The following MAP2K2 variants were observed in gnomAD, a reference collection of about 807,000 sequenced individuals.
MAP2K2 encodes mitogen-activated protein kinase kinase 2.
In MAP2K2, 24 loss-of-function variants were observed where a neutral mutation model predicts 43.7. The observed-to-expected ratio is 0.55, with a 90% CI of 0.40 to 0.77. The LOEUF (loss-of-function observed/expected upper bound fraction) is 0.77. Ranked by LOEUF, MAP2K2 falls within the 30% of genes least tolerant of loss-of-function variation. The pLI is 0.00. For synonymous variants in MAP2K2, 244 were observed against 239.7 expected (o/e 1.02, Z -0.17); for missense variants, 470 against 566.8 (o/e 0.83, Z 1.73).
rs974736470 is a variant in MAP2K2 at position 4,112,162 on chromosome 19, T to TCC, written c.304-1509_304-1508dup. Among the ~76,000 whole-genome samples, 4 of 152,136 alleles carry TCC rather than the reference T, an allele frequency of 2.6e-5. No homozygotes were observed. The East Asian group carries it at 7.7e-4, about 29-fold the overall frequency. ...AAGAAAAAGACATGGTTTCCACTCA[T>TCC]CCGCCACAGAGGCAAAGCCAGGCCC... On this transcript the variant is annotated intron_variant, in intron 2 of 10. Transcript: ENST00000262948.
In MAP2K2 at chr19:4,112,946, G is replaced by A. The variant is rs543205145; in HGVS notation, c.304-2291C>T. ...AAAAGGCCACATTTGTTTTCACACC[G>A]AGCCCTTGAAGCTTGGTGCGTGTTT... On this transcript the variant is annotated intron_variant, in intron 2 of 10. Transcript: ENST00000262948. Among the ~76,000 whole-genome samples, 15 of 152,296 alleles carry A rather than the reference G, an allele frequency of 9.8e-5. No homozygotes were observed. The East Asian group carries it at 1.4e-3, about 14-fold the overall frequency.
intron 3 of MAP2K2, among the ~76,000 whole-genome samples, chr19:4,106,558 G>A (rs929958769): frequency 2.0e-5 from 3 of 152,056 alleles, no homozygotes; most frequent in African/African-American, 2.4e-5. Context: ...ACAGGCGTGC[G>A]CCACCATGCC....
intron 3 of MAP2K2, among the ~76,000 whole-genome samples, chr19:4,106,178 G>A (rs1393625687): frequency 1.3e-5 from 2 of 152,198 alleles, no homozygotes; most frequent in Non-Finnish European, 2.9e-5. Context: ...GGCCGAGGCA[G>A]GAGGGTCACT....
At chr19:4,117,792 T>C (rs999559956) in intron 1 of MAP2K2, among the ~76,000 whole-genome samples, 163 bp from the exon 2 acceptor site, 1 of 152,230 alleles carries the variant, frequency 6.6e-6, no homozygotes, top group South Asian at 2.1e-4. Flanking sequence ...TGTACCCCCA[T>C]AGACACACCA....
intron 9 of MAP2K2, chr19:4,095,185 C>G: frequency 1.7e-6 from 1 of 573,562 alleles, no homozygotes; most frequent in Middle Eastern, 3.8e-4. Context: ...CCCCTGGGCT[C>G]ACGGACAGGA....
chr19:4,105,308 G>A (rs2041072395), intron 3 of MAP2K2, among the ~76,000 whole-genome samples: 1 of 149,432 alleles, frequency 6.7e-6, no homozygotes, highest in Admixed American at 6.7e-5. Flanking sequence ...TCGCTCTGTT[G>A]CCCAGGCGGG....
intron 10 of MAP2K2, among the ~76,000 whole-genome samples, chr19:4,094,066 G>A (rs1443280681): frequency 6.6e-6 from 1 of 152,184 alleles, no homozygotes; most frequent in East Asian, 1.9e-4. Flanking sequence ...TTGCCAGTGT[G>A]CAGAACAGGG....
chr19:4,105,347 C>A (rs1470020930), intron 3 of MAP2K2, among the ~76,000 whole-genome samples: 5 of 151,926 alleles, frequency 3.3e-5, no homozygotes, highest in South Asian at 4.1e-4. Flanking sequence ...CGGCTCACTG[C>A]AAGCTCCGCC....
intron 1 of MAP2K2, among the ~76,000 whole-genome samples, chr19:4,122,490 C>T (rs576486968): frequency 3.7e-5 from 4 of 108,572 alleles, no homozygotes; most frequent in East Asian, 2.6e-4. Flanking sequence ...CCAAGGGACT[C>T]GCTTCACTAT....
In MAP2K2 at chr19:4,097,027, C is replaced by CA. The variant is rs11353017; in HGVS notation, c.984+251dup. ...TGCACTACAAAGCTAGACAATGTCT[C>CA]AAAAAAAAAAAAAAAAATTAGCTGG... On this transcript the variant is annotated intron_variant, in intron 8 of 10. Transcript: ENST00000262948. Among the ~76,000 whole-genome samples, 17,162 of 130,420 alleles carry CA rather than the reference C, an allele frequency of 0.13. 1,239 individuals carry two copies. The highest frequency in any genetic ancestry group is 0.17 in the Non-Finnish European group (10,545 of 62,428). 85.6% of individuals were successfully genotyped at this position (130,420 alleles called of 152,430 possible). A position where few individuals can be genotyped will look rare whatever the true frequency, so the allele number is the denominator to read the frequency against.
At chr19:4,103,642 G>A (rs1568255825) in intron 3 of MAP2K2, among the ~76,000 whole-genome samples, 1 of 152,272 alleles carries the variant, frequency 6.6e-6, no homozygotes, top group South Asian at 2.1e-4. Context: ...TCACATGGGT[G>A]GGAGGAGCCG....
In MAP2K2 at chr19:4,093,372, G is replaced by A. The variant is rs946563244; in HGVS notation, c.1092+1081C>T. 2.6e-5 allele frequency among the ~76,000 whole-genome samples: 4 copies of A among 152,200 alleles called. No individual in the cohort carries two copies. The South Asian group carries it at 8.3e-4, about 32-fold the overall frequency. ...CAATCGCACCACTGCATTCCAGCCT[G>A]GGGGACAGAGCAAGGCTGTATCTCA... On this transcript the variant is annotated intron_variant, in intron 10 of 10. Transcript: ENST00000262948.
At chr19:4,105,337 C>T (rs1444206823) in intron 3 of MAP2K2, among the ~76,000 whole-genome samples, 3 of 151,358 alleles carry the variant, frequency 2.0e-5, no homozygotes, top group African/African-American at 7.3e-5. Flanking sequence ...GGCACCATCT[C>T]GGCTCACTGC....
chr19:4,098,818 C>A (rs2040958124), intron 7 of MAP2K2, among the ~76,000 whole-genome samples: 1 of 152,276 alleles, frequency 6.6e-6, no homozygotes, highest in African/African-American at 2.4e-5. Flanking sequence ...TGGCCCGCAG[C>A]ACAGGAGCGT....
At chr19:4,119,747 G>C (rs536253885) in intron 1 of MAP2K2, among the ~76,000 whole-genome samples, 1 of 152,326 alleles carries the variant, frequency 6.6e-6, no homozygotes, top group Non-Finnish European at 1.5e-5. Flanking sequence ...AGCTTTAAAT[G>C]GCTCTCTGGA....
rs186641228 is a variant in MAP2K2, at chr19:4,123,580, C to T, written c.92+204G>A. Among the ~76,000 whole-genome samples the T allele has an allele frequency of 0.15, 5,849 of 39,378 alleles. 695 individuals carry two copies. Among genetic ancestry groups the T allele is most frequent in the African/African-American group, 0.45 (3,275 of 7,202 alleles). 25.8% of individuals were successfully genotyped at this position (39,378 alleles called of 152,430 possible). On this transcript the variant is annotated intron_variant, in intron 1 of 10. Coordinates refer to ENST00000262948, the MANE Select transcript of MAP2K2 (RefSeq NM_030662.4). ...CCCCTGCCCCGTCCTCCCCCGAGGGCCCCCTGCCCCGTCCTCCCCCGAGGG... is the reference window on the plus strand; with the variant it reads ...CCCCTGCCCCGTCCTCCCCCGAGGGTCCCCTGCCCCGTCCTCCCCCGAGGG...
intron 9 of MAP2K2, chr19:4,094,766 G>C (rs2040892131): frequency 1.8e-6 from 1 of 544,800 alleles, no homozygotes; most frequent in East Asian, 3.0e-5. Flanking sequence ...TGGTGGGTCA[G>C]AAGCCTGGAC....
At chr19:4,097,651 T>C (rs2040938786) in intron 7 of MAP2K2, among the ~76,000 whole-genome samples, 1 of 152,000 alleles carries the variant, frequency 6.6e-6, no homozygotes, top group South Asian at 2.1e-4. Context: ...TCATCACCCC[T>C]CCTCTCTGGA....
At chr19:4,119,847 C>T (rs1253329888) in intron 1 of MAP2K2, among the ~76,000 whole-genome samples, 1 of 152,236 alleles carries the variant, frequency 6.6e-6, no homozygotes, top group Non-Finnish European at 1.5e-5. Context: ...GGAATGAAGG[C>T]GTGGACTGCT....
Sources: gnomAD v4.1 joint callset for allele counts (sites outside exome capture counted in the v4.1 genomes callset) on GRCh38, gnomAD v4.1.1 for gene constraint, MANE v1.5 for transcripts, NCBI Gene and HGNC (gene_info 2026-07-23, HGNC 2026-07-21) for gene names.